The following DNMT1 variants were observed in gnomAD, a reference collection of about 807,000 sequenced individuals.
The protein encoded by DNMT1 is DNA (cytosine-5)-methyltransferase 1.
A neutral mutation model predicts 205.3 loss-of-function variants in DNMT1; 24 were observed. The ratio of observed to expected loss-of-function variants is 0.12; its 90% CI spans 0.08 to 0.16. The LOEUF (loss-of-function observed/expected upper bound fraction) is 0.16, where lower values mean the gene tolerates loss of function less well. Among genes scored for constraint, DNMT1 ranks in the 10% least tolerant of loss-of-function variants. The pLI is 1.00. For synonymous variants in DNMT1, 817 were observed against 839.8 expected (o/e 0.97, Z 0.47); for missense variants, 1,293 against 2,177.7 (o/e 0.59, Z 8.09).
At chr19:10,148,116 CAAAAAAAAAAAA>C in intron 27 of DNMT1, among the ~76,000 whole-genome samples, 1 of 59,280 alleles carries the variant, frequency 1.7e-5, no homozygotes, top group African/African-American at 7.3e-5. Flanking sequence ...AACTCTGTCT[CAAAAAAAAAAAA>C]AAAAAAAAAA....
chr19:10,168,231 A>T, intron 10 of DNMT1, 99 bp downstream of exon 10: 1 of 1,365,322 alleles, frequency 7.3e-7, no homozygotes, highest in Non-Finnish European at 1.0e-6. Context: ...ACATATGATT[A>T]GTGCCCACTG....
At position 10,137,053 on chromosome 19, in the gene DNMT1, G is replaced by T. The variant is rs1369444971; in HGVS notation, c.4489+32C>A. On this transcript the variant is annotated intron_variant, in intron 37 of 40. Coordinates refer to ENST00000359526, the MANE Select transcript of DNMT1 (RefSeq NM_001130823.3). The surrounding 1 kb of genome is among the most constrained non-coding windows in gnomAD (Gnocchi z 6.4). ...CAGGGCTCTGCCTTCCTTCCCCTCA[G>T]CCCACCGGGAACCACAACTTACAGG... The T allele has an allele frequency of 1.2e-6, 2 of 1,603,016 alleles. No individual in the cohort carries two copies. Among genetic ancestry groups the T allele is most frequent in the Non-Finnish European group, 1.7e-6 (2 of 1,175,444 alleles).
chr19:10,160,459 T>A (rs1485382787), intron 13 of DNMT1, 41 bp from the exon 14 acceptor site: 1 of 1,608,386 alleles, frequency 6.2e-7, no homozygotes, highest in South Asian at 1.1e-5. Flanking sequence ...GCTAAGAGAG[T>A]GTTTTACACC....
rs988350711 is a variant in DNMT1, at chr19:10,138,088, T to C, written c.4116-79A>G. On this transcript the variant is annotated intron_variant, in intron 35 of 40. Coordinates refer to ENST00000359526, the MANE Select transcript of DNMT1 (RefSeq NM_001130823.3). The surrounding 1 kb of genome is among the most constrained non-coding windows in gnomAD (Gnocchi z 4.1). ...CTCATCACAGGTGCCACCCCCTGCC[T>C]GCTCAGATGGCCTTCTCCCGAGATC... 1.3e-6 allele frequency: 2 copies of C among 1,498,418 alleles called. No homozygotes were observed. The highest frequency in any genetic ancestry group is 1.4e-5 in the African/African-American group (1 of 72,560). 92.8% of individuals were successfully genotyped at this position (1,498,418 alleles called of 1,614,324 possible). A position where few individuals can be genotyped will look rare whatever the true frequency, so the allele number is the denominator to read the frequency against.
chr19:10,185,424 C>CA (rs908115315), intron 1 of DNMT1, among the ~76,000 whole-genome samples: 2,288 of 95,122 alleles, frequency 0.024, 29 homozygotes, highest in African/African-American at 0.051. Flanking sequence ...AACTCTGTCT[C>CA]AAAAAAAAAA....
rs2089579240 is a variant in DNMT1 at position 10,140,394 on chromosome 19, G to C, written c.3524-66C>G. On this transcript the variant is annotated intron_variant, in intron 32 of 40. Coordinates refer to ENST00000359526, the MANE Select transcript of DNMT1 (RefSeq NM_001130823.3). The surrounding 1 kb of genome is among the most constrained non-coding windows in gnomAD (Gnocchi z 8.4). Reference sequence around the variant, plus strand: ...AAGATTTTTTTTTTTTTTTGAGATGGAGTCTCGCTCTGTCACCCAGGCTGG... The same window carrying C: ...AAGATTTTTTTTTTTTTTTGAGATGCAGTCTCGCTCTGTCACCCAGGCTGG... 3.2e-6 allele frequency: 5 copies of C among 1,566,038 alleles called. No homozygotes were observed. The South Asian group carries it at 5.7e-5, about 18-fold the overall frequency.
At chr19:10,139,982 C>A in intron 33 of DNMT1, 64 bp downstream of exon 33, 1 of 1,601,006 alleles carries the variant, frequency 6.2e-7, no homozygotes, top group Non-Finnish European at 8.5e-7. Flanking sequence ...CGAAAATGAC[C>A]ACTGCTGACA....
intron 6 of DNMT1, 67 bp from the exon 7 acceptor site, chr19:10,175,685 G>T: frequency 6.9e-7 from 1 of 1,458,814 alleles, no homozygotes; most frequent in Non-Finnish European, 9.6e-7. Context: ...GCCTGAAGTG[G>T]ACCCTCATTC....
chr19:10,134,451 G>A, intron 39 of DNMT1, 144 bp from the exon 40 acceptor site: 1 of 694,998 alleles, frequency 1.4e-6, no homozygotes, highest in Non-Finnish European at 2.4e-6. Context: ...GCTCACATGG[G>A]CCCAAAACCC....
At chr19:10,192,660 C>T (rs80035059) in intron 1 of DNMT1, among the ~76,000 whole-genome samples, 42 of 152,230 alleles carry the variant, frequency 2.8e-4, no homozygotes, top group African/African-American at 9.9e-4. Context: ...TTGGGTGTAA[C>T]ATCATGAAGC....
intron 11 of DNMT1, among the ~76,000 whole-genome samples, chr19:10,164,986 GTTCATGCCTGTAATC>G (rs2038658094): frequency 7.5e-6 from 1 of 133,606 alleles, no homozygotes; most frequent in South Asian, 2.6e-4. Context: ...GAATGCAACG[GTTCATGCCTGTAATC>G]CTACCACTCC....
At position 10,189,911 on chromosome 19, in the gene DNMT1, C is replaced by T. The variant is rs116470150; in HGVS notation, c.80+4909G>A. Reference sequence around the variant, plus strand: ...CTCAACATATCTGTACTGATAAGCTCAGTCTTCCTAACACCCCTGTCGAGC... The same window carrying T: ...CTCAACATATCTGTACTGATAAGCTTAGTCTTCCTAACACCCCTGTCGAGC... On this transcript the variant is annotated intron_variant, in intron 1 of 40. Transcript: ENST00000359526. 2.3e-3 allele frequency among the ~76,000 whole-genome samples: 349 copies of T among 152,216 alleles called. 3 individuals are homozygous for T. The highest frequency in any genetic ancestry group is 7.9e-3 in the African/African-American group (330 of 41,528).
intron 9 of DNMT1, among the ~76,000 whole-genome samples, chr19:10,172,660 C>G (rs1169538581): frequency 2.0e-5 from 3 of 151,742 alleles, no homozygotes; most frequent in South Asian, 2.1e-4. Context: ...CCCATCTCCA[C>G]TAAAATTAGC....
At chr19:10,178,281 G>A (rs75151508) in intron 5 of DNMT1, among the ~76,000 whole-genome samples, 3 of 151,834 alleles carry the variant, frequency 2.0e-5, no homozygotes, top group Non-Finnish European at 4.4e-5. Flanking sequence ...AAAGGGCCAG[G>A]TGAGGTGGCT....
At chr19:10,191,114 G>A (rs1342352034) in intron 1 of DNMT1, among the ~76,000 whole-genome samples, 3 of 149,054 alleles carry the variant, frequency 2.0e-5, no homozygotes, top group South Asian at 2.1e-4. Flanking sequence ...GCTCAGCCTC[G>A]AGGGGGAAAA....
rs952950422 is a variant in DNMT1 at position 10,138,874 on chromosome 19, C to A, written c.3949-269G>T. ...GGAAGTCCGGCCAGCTCTGAAAGCA[C>A]TGCAAGGGCCCCAAGGTCTTAGCAC... On this transcript the variant is annotated intron_variant, in intron 34 of 40. Coordinates refer to ENST00000359526, the MANE Select transcript of DNMT1 (RefSeq NM_001130823.3). The surrounding 1 kb of genome is among the most constrained non-coding windows in gnomAD (Gnocchi z 4.1). Among the ~76,000 whole-genome samples the A allele has an allele frequency of 6.6e-6, 1 of 152,190 alleles. No homozygotes were observed. Among genetic ancestry groups the A allele is most frequent in the Non-Finnish European group, 1.5e-5 (1 of 68,030 alleles).
At position 10,133,942 on chromosome 19, in the gene DNMT1, A is replaced by C. The variant is rs898477441; in HGVS notation, c.4865-241T>G. Reference sequence around the variant, plus strand: ...AGCTGAGGCAGGTGCCTGCTGAGCCAAATTCACCGAGCAGGAGTGAGGGAA... The same window carrying C: ...AGCTGAGGCAGGTGCCTGCTGAGCCCAATTCACCGAGCAGGAGTGAGGGAA... On this transcript the variant is annotated intron_variant, in intron 40 of 40. Transcript: ENST00000359526. The surrounding 1 kb of genome is among the most constrained non-coding windows in gnomAD (Gnocchi z 4.1). 1.3e-5 allele frequency among the ~76,000 whole-genome samples: 2 copies of C among 152,208 alleles called. No homozygotes were observed. Among genetic ancestry groups the C allele is most frequent in the African/African-American group, 4.8e-5 (2 of 41,458 alleles).
rs1184175073 is a variant in DNMT1, at chr19:10,140,356, T to G, written c.3524-28A>C. On this transcript the variant is annotated intron_variant, in intron 32 of 40. Transcript: ENST00000359526. The surrounding 1 kb of genome is among the most constrained non-coding windows in gnomAD (Gnocchi z 8.4). ...GGCAGATCAAGCACGAAGCCATGCT[T>G]TCAACTCTCCAGAAGATTTTTTTTT... 6.2e-7 allele frequency: 1 copy of G among 1,612,224 alleles called. No individual in the cohort carries two copies. The highest frequency in any genetic ancestry group is 8.5e-7 in the Non-Finnish European group (1 of 1,179,966).
At position 10,149,635 on chromosome 19, in the gene DNMT1, T is replaced by C; in HGVS notation, c.2404A>G (p.Ser802Gly). ...LARVTALWED[S>G]SNGQMFHAHW... ...GCGTGAAACATCTGCCCGTTGCTGC[T>C]GTCCTCCCACAGCGCCGTGACCCTG... The change falls in exon 26 of 41, where the codon AGC (serine) becomes GGC (glycine). Residue 802 changes from serine (S) to glycine (G), a missense_variant. Ser to Gly is a moderately conservative substitution (Grantham distance 56). Coordinates refer to ENST00000359526, the MANE Select transcript of DNMT1 (RefSeq NM_001130823.3). 6.2e-7 allele frequency: 1 copy of C among 1,613,882 alleles called. No individual in the cohort carries two copies. The highest frequency in any genetic ancestry group is 8.5e-7 in the Non-Finnish European group (1 of 1,180,038).
Sources: gnomAD v4.1 joint callset for allele counts (sites outside exome capture counted in the v4.1 genomes callset) on GRCh38, gnomAD v4.1.1 for gene constraint, Gnocchi (gnomAD v3.1) non-coding constraint, MANE v1.5 for transcripts, NCBI Gene and HGNC (gene_info 2026-07-23, HGNC 2026-07-21) for gene names.